Variants in CPB2 observed in about 807,000 individuals in gnomAD.
CPB2 encodes the protein carboxypeptidase B2.
A neutral mutation model predicts 57.0 loss-of-function variants in CPB2; 54 were observed. That is an observed-to-expected ratio of 0.95 (90% confidence interval 0.76 to 1.19). The LOEUF is 1.19. Among genes scored for constraint, CPB2 ranks in the 50% most tolerant of loss-of-function variants. The probability of loss-of-function intolerance (pLI) is 0.00; values close to 1 mark genes in which losing one functional copy is unlikely to be tolerated. For synonymous variants in CPB2, 189 were observed against 178.1 expected (o/e 1.06, Z -0.49); for missense variants, 426 against 512.0 (o/e 0.83, Z 1.62).
intron 8 of CPB2, among the ~76,000 whole-genome samples, chr13:46,059,680 G>A (rs1327285927): frequency 3.9e-5 from 6 of 152,136 alleles, no homozygotes; most frequent in Non-Finnish European, 8.8e-5. Flanking sequence ...GGGAGAGGAA[G>A]GATTCACTGA....
In CPB2 at chr13:46,102,540, CAAA is replaced by C. The variant is rs10624204; in HGVS notation, c.74+2393_74+2395del. 7.5e-3 allele frequency among the ~76,000 whole-genome samples: 814 copies of C among 108,204 alleles called. 10 individuals are homozygous for C. Among genetic ancestry groups the C allele is most frequent in the African/African-American group, 0.023 (657 of 28,942 alleles). The allele number at this position is 108,204 out of a possible 152,430, so 71.0% of individuals were successfully genotyped here. ...ACTGTTAGTAGGAAAATGATTATGA[CAAA>C]AAAAAAAAAAAAAACAAAGAACAGC... On this transcript the variant is annotated intron_variant, in intron 1 of 10. Coordinates refer to ENST00000181383, the MANE Select transcript of CPB2 (RefSeq NM_001872.5).
intron 7 of CPB2, among the ~76,000 whole-genome samples, chr13:46,065,748 C>T (rs1019062206): frequency 6.6e-6 from 1 of 151,986 alleles, no homozygotes; most frequent in African/African-American, 2.4e-5. Flanking sequence ...CAGCCTGTTA[C>T]CACTCCCAGG....
chr13:46,094,789 G>T (rs2045343295), intron 1 of CPB2: 1 of 152,092 alleles, frequency 6.6e-6, no homozygotes, highest in Non-Finnish European at 1.5e-5. Context: ...ATCAAAGCTG[G>T]ATAATGAGAG....
In CPB2 at chr13:46,053,465, C is replaced by T; in HGVS notation, c.*149G>A. 8.2e-7 allele frequency: 1 copy of T among 1,218,158 alleles called. No individual in the cohort carries two copies. Among genetic ancestry groups the T allele is most frequent in the Non-Finnish European group, 1.1e-6 (1 of 902,522 alleles). The allele number at this position is 1,218,158 out of a possible 1,614,324, so 75.5% of individuals were successfully genotyped here. On this transcript the variant is annotated 3_prime_UTR_variant, in exon 11 of 11. Transcript: ENST00000181383. The stretch of plus-strand genomic sequence containing the variant: ...CTAGTCTGCCTTAATGGCAAAGTAG[C>T]ACTTATTAGGTTCTCTGACAGAACC...
Position 46,067,434 on chromosome 13 carries a change from G to C in CPB2, c.592-17C>G. 1.7e-6 allele frequency: 2 copies of C among 1,194,048 alleles called. No individual in the cohort carries two copies. Among genetic ancestry groups the C allele is most frequent in the Non-Finnish European group, 2.5e-6 (2 of 806,696 alleles). The allele number at this position is 1,194,048 out of a possible 1,614,324, so 74.0% of individuals were successfully genotyped here. On this transcript the variant is annotated splice_polypyrimidine_tract_variant and intron_variant, in intron 6 of 10. Coordinates refer to ENST00000181383, the MANE Select transcript of CPB2 (RefSeq NM_001872.5). Reference sequence around the variant, plus strand: ...TTGAGTTATCTGCAAATTAAACCAAGTATATTTAATTAGATGTTTTAAGTT... The same window carrying C: ...TTGAGTTATCTGCAAATTAAACCAACTATATTTAATTAGATGTTTTAAGTT...
chr13:46,068,715 C>G (rs951353437), intron 6 of CPB2, among the ~76,000 whole-genome samples: 2 of 151,456 alleles, frequency 1.3e-5, no homozygotes, highest in South Asian at 4.2e-4. Context: ...CGACAGGCCC[C>G]GGTGTGTGAT....
At position 46,104,974 on chromosome 13, in the gene CPB2, A is replaced by G; in HGVS notation, c.36T>C (p.Ile12=). 2 of 1,614,034 alleles carry G rather than the reference A, an allele frequency of 1.2e-6. No individual in the cohort carries two copies. The highest frequency in any genetic ancestry group is 1.1e-5 in the South Asian group (1 of 91,076). The stretch of plus-strand genomic sequence containing the variant: ...AGACATGCTGCTCACAGAAGAGAAC[A>G]ATGGGTACAAGGACTGCAAGGCTGC... ...KLCSLAVLVP[I]VLFCEQHVFA... Residue 12 remains isoleucine (I), a synonymous_variant, in exon 1 of 11, where the codon ATT becomes ATC. Coordinates refer to ENST00000181383, the MANE Select transcript of CPB2 (RefSeq NM_001872.5).
intron 1 of CPB2, among the ~76,000 whole-genome samples, chr13:46,093,884 A>G (rs1047971279): frequency 2.0e-5 from 3 of 152,208 alleles, no homozygotes; most frequent in Non-Finnish European, 4.4e-5. Flanking sequence ...ATGTGGAGAA[A>G]TGTATGAAAG....
chr13:46,074,879 C>T (rs1032442217), intron 5 of CPB2, among the ~76,000 whole-genome samples: 1 of 152,176 alleles, frequency 6.6e-6, no homozygotes, highest in Admixed American at 6.5e-5. Context: ...ATGCGCGGTT[C>T]ACAGTGGGGT....
intron 5 of CPB2, 71 bp downstream of exon 5, chr13:46,078,729 T>C (rs2045060870): frequency 1.9e-6 from 2 of 1,044,444 alleles, no homozygotes; most frequent in Non-Finnish European, 2.9e-6. Flanking sequence ...AACTCAAGTT[T>C]TAACAAACAC....
chr13:46,058,969 C>G (rs575786777), intron 8 of CPB2, among the ~76,000 whole-genome samples: 2 of 152,328 alleles, frequency 1.3e-5, no homozygotes, highest in African/African-American at 2.4e-5. Context: ...CAACACTTCT[C>G]CCCCTGTCCC....
At chr13:46,095,454 A>G (rs2045351716) in intron 1 of CPB2, among the ~76,000 whole-genome samples, 1 of 152,246 alleles carries the variant, frequency 6.6e-6, no homozygotes, top group Non-Finnish European at 1.5e-5. Context: ...CAAAAACCAG[A>G]TGGATCCTGG....
chr13:46,085,714 T>C (rs951999317), intron 2 of CPB2, among the ~76,000 whole-genome samples: 13 of 152,172 alleles, frequency 8.5e-5, no homozygotes, highest in Non-Finnish European at 5.9e-5. Context: ...TCCAGTCTAG[T>C]CTTAACCTCT....
intron 6 of CPB2, among the ~76,000 whole-genome samples, chr13:46,073,052 T>C (rs1180310149): frequency 6.6e-6 from 1 of 152,192 alleles, no homozygotes; most frequent in African/African-American, 2.4e-5. Context: ...AATAGGGATG[T>C]TGCATTTGTC....
At chr13:46,102,793 G>A (rs956998522) in intron 1 of CPB2, among the ~76,000 whole-genome samples, 11 of 152,064 alleles carry the variant, frequency 7.2e-5, no homozygotes, top group Non-Finnish European at 1.6e-4. Context: ...TTCCAGTGAA[G>A]GGATGGGAAC....
intron 8 of CPB2, among the ~76,000 whole-genome samples, chr13:46,061,233 T>C (rs1218115730): frequency 6.6e-6 from 1 of 152,228 alleles, no homozygotes; most frequent in Non-Finnish European, 1.5e-5. Flanking sequence ...AAAAACACTA[T>C]AGTCTCCTAG....
In CPB2 at chr13:46,094,687, T is replaced by C. The variant is rs372897737; in HGVS notation, c.75-6867A>G. 1.1e-4 allele frequency among the ~76,000 whole-genome samples: 17 copies of C among 151,946 alleles called. No individual in the cohort carries two copies. In the East Asian group the frequency reaches 3.1e-3, roughly 28 times the overall value. ...CCAGAGGACCATGACCCTTAGAAAA[T>C]TGTGGAGTCGGTTAGGAGAACACAG... On this transcript the variant is annotated intron_variant, in intron 1 of 10. Transcript: ENST00000181383.
intron 8 of CPB2, among the ~76,000 whole-genome samples, chr13:46,061,157 A>C (rs2044767081): frequency 6.6e-6 from 1 of 151,850 alleles, no homozygotes. Flanking sequence ...GAACTGTACA[A>C]TTAAAAATTG....
At chr13:46,100,441 A>G (rs1213009406) in intron 1 of CPB2, 1 of 152,128 alleles carries the variant, frequency 6.6e-6, no homozygotes, top group South Asian at 2.1e-4. Context: ...TAAACAGGCT[A>G]TATAAAAAGC....
Sources: gnomAD v4.1 joint callset for allele counts (sites outside exome capture counted in the v4.1 genomes callset) on GRCh38, gnomAD v4.1.1 for gene constraint, MANE v1.5 for transcripts, NCBI Gene and HGNC (gene_info 2026-07-23, HGNC 2026-07-21) for gene names.